CTSZ: variants seen among roughly 807,000 people sequenced by gnomAD.
The protein encoded by CTSZ is carboxypeptidase LB.
In CTSZ, 39 loss-of-function variants were observed where a neutral mutation model predicts 32.4. The ratio of observed to expected loss-of-function variants is 1.20; its 90% CI spans 0.93 to 1.57. The LOEUF is 1.57. Among genes scored for constraint, CTSZ ranks in the 40% most tolerant of loss-of-function variants. CTSZ has a pLI of 0.00. For synonymous variants in CTSZ, 168 were observed against 170.1 expected (o/e 0.99, Z 0.10); for missense variants, 397 against 419.6 (o/e 0.95, Z 0.47).
chr20:58,997,853 A>T lies in CTSZ; in HGVS notation c.488-100T>A, dbSNP rs138298206. On this transcript the variant is annotated intron_variant, in intron 3 of 5. Transcript: ENST00000217131. Reference sequence around the variant, plus strand: ...ACTCTCCACTCTCATCATGCAGCCTACCACTCAGCAGCTAAGAACGGAAAT... The same window carrying T: ...ACTCTCCACTCTCATCATGCAGCCTTCCACTCAGCAGCTAAGAACGGAAAT... 2.8e-6 allele frequency: 3 copies of T among 1,064,376 alleles called. No individual in the cohort carries two copies. The African/African-American group carries it at 4.8e-5, about 17-fold the overall frequency. 65.9% of individuals were successfully genotyped at this position (1,064,376 alleles called of 1,614,324 possible). A position where few individuals can be genotyped will look rare whatever the true frequency, so the allele number is the denominator to read the frequency against.
At chr20:58,997,366 T>C (rs1243464715) in intron 4 of CTSZ, 1 of 375,522 alleles carries the variant, frequency 2.7e-6, no homozygotes, top group Non-Finnish European at 4.8e-6. Flanking sequence ...ATCAGCTGAG[T>C]GTTAACTCTG....
chr20:59,006,169 C>G (rs2146366824), intron 2 of CTSZ, 153 bp downstream of exon 2: 1 of 1,020,426 alleles, frequency 9.8e-7, no homozygotes, highest in African/African-American at 1.6e-5. Context: ...CAGCAGAGGG[C>G]AAAGGCCCGC....
intron 2 of CTSZ, 49 bp downstream of exon 2, chr20:59,006,273 G>A: frequency 6.5e-7 from 1 of 1,533,076 alleles, no homozygotes; most frequent in South Asian, 1.2e-5. Context: ...CTATAAACAG[G>A]CAGCCGGGAT....
chr20:58,998,516 A>C (rs908971992), intron 3 of CTSZ, among the ~76,000 whole-genome samples: 1 of 149,498 alleles, frequency 6.7e-6, no homozygotes. Context: ...ATTGCACTCC[A>C]GCCTGAGCGA....
rs2091894258 is a variant in CTSZ at position 59,002,647 on chromosome 20, T to C, written c.308-1003A>G. ...CTCCCGGTCGCCCAGCCAGGGGCCT[T>C]CTGGAACTGTCCCTGCTCTGGTGAC... On this transcript the variant is annotated intron_variant, in intron 2 of 5. Coordinates refer to ENST00000217131, the MANE Select transcript of CTSZ (RefSeq NM_001336.4). The surrounding 1 kb of genome is among the most constrained non-coding windows in gnomAD (Gnocchi z 4.1). Among the ~76,000 whole-genome samples the C allele has an allele frequency of 6.6e-6, 1 of 152,038 alleles. No homozygotes were observed. Among genetic ancestry groups the C allele is most frequent in the South Asian group, 2.1e-4 (1 of 4,830 alleles).
rs2091911806 is a variant in CTSZ at position 59,007,051 on chromosome 20, G to A, written c.78C>T (p.Tyr26=). 1 of 1,469,892 alleles carries A rather than the reference G, an allele frequency of 6.8e-7. No individual in the cohort carries two copies. Among genetic ancestry groups the A allele is most frequent in the Admixed American group, 2.4e-5 (1 of 41,620 alleles). 91.1% of individuals were successfully genotyped at this position (1,469,892 alleles called of 1,614,324 possible). A position where few individuals can be genotyped will look rare whatever the true frequency, so the allele number is the denominator to read the frequency against. ...GGTAGCAGGTCTGTCCCCGGCGGAAGTAGAGGCCGCCCTGCGCCGCGCCCG... is the reference window on the plus strand; with the variant it reads ...GGTAGCAGGTCTGTCCCCGGCGGAAATAGAGGCCGCCCTGCGCCGCGCCCG... The part of the protein sequence containing the change: ...LLAGAAQGGL[Y]FRRGQTCYRP... The change falls in exon 1 of 6, where the codon TAC becomes TAT. Residue 26 remains tyrosine (Y), a synonymous_variant. Coordinates refer to ENST00000217131, the MANE Select transcript of CTSZ (RefSeq NM_001336.4).
rs748113542 is a variant in CTSZ, at chr20:59,002,892, A to C, written c.308-1248T>G. ...TCCCTTGTCAGCTATGCCCCCTCTA[A>C]GCAGATCTGCACACCCCAAACTTGC... On this transcript the variant is annotated intron_variant, in intron 2 of 5. Coordinates refer to ENST00000217131, the MANE Select transcript of CTSZ (RefSeq NM_001336.4). This position sits in a 1 kb window ranked among gnomAD's most constrained non-coding sequence, Gnocchi z 4.1. Among the ~76,000 whole-genome samples the C allele has an allele frequency of 6.6e-6, 1 of 151,756 alleles. No individual in the cohort carries two copies. The highest frequency in any genetic ancestry group is 1.5e-5 in the Non-Finnish European group (1 of 67,936).
chr20:58,999,605 C>T (rs2091879155), intron 3 of CTSZ, among the ~76,000 whole-genome samples: 1 of 152,218 alleles, frequency 6.6e-6, no homozygotes, highest in Admixed American at 6.5e-5. Flanking sequence ...AAGGGAGCCC[C>T]GTTGGCAGAG....
At chr20:59,001,378 G>C in intron 3 of CTSZ, 87 bp downstream of exon 3, 2 of 1,416,006 alleles carry the variant, frequency 1.4e-6, no homozygotes, top group South Asian at 2.7e-5. Flanking sequence ...AGGAGCACGG[G>C]GTCAGGCTGG....
intron 2 of CTSZ, among the ~76,000 whole-genome samples, chr20:59,003,509 C>T (rs1001267725): frequency 3.9e-5 from 6 of 152,230 alleles, no homozygotes; most frequent in African/African-American, 1.2e-4. Context: ...ACACATTTTC[C>T]ACTCATGGTG....
chr20:58,998,546 C>CAAA (rs148092871), intron 3 of CTSZ, among the ~76,000 whole-genome samples: 49,336 of 126,788 alleles, frequency 0.39, 10,310 homozygotes, highest in East Asian at 0.6. Flanking sequence ...GACTCCGTCT[C>CAAA]AAAAAAAAAG....
At chr20:58,999,582 T>C (rs989584182) in intron 3 of CTSZ, among the ~76,000 whole-genome samples, 1 of 152,172 alleles carries the variant, frequency 6.6e-6, no homozygotes, top group African/African-American at 2.4e-5. Flanking sequence ...CAATAAGGCC[T>C]GAGAGGCAAG....
intron 3 of CTSZ, among the ~76,000 whole-genome samples, chr20:58,999,904 C>G (rs235202): frequency 0.63 from 95,313 of 151,828 alleles, 30,250 homozygotes; most frequent in East Asian, 0.71. Context: ...CCCGCCTCTA[C>G]TAAAAATACA....
Position 59,007,056 on chromosome 20 carries a change from G to C in CTSZ, c.73C>G (p.Leu25Val). The C allele has an allele frequency of 6.8e-7, 1 of 1,468,838 alleles. No individual in the cohort carries two copies. The highest frequency in any genetic ancestry group is 9.0e-7 in the Non-Finnish European group (1 of 1,116,774). 91.0% of individuals were successfully genotyped at this position (1,468,838 alleles called of 1,614,324 possible). The stretch of plus-strand genomic sequence containing the variant: ...CAGGTCTGTCCCCGGCGGAAGTAGA[G>C]GCCGCCCTGCGCCGCGCCCGCCAGC... ...VLLAGAAQGG[L>V]YFRRGQTCYR... Residue 25 changes from leucine to valine, a missense_variant, in exon 1 of 6, where the codon CTC becomes GTC. Transcript: ENST00000217131.
At chr20:58,998,552 A>AAAAAAAG (rs368429073) in intron 3 of CTSZ, among the ~76,000 whole-genome samples, 7 of 145,282 alleles carry the variant, frequency 4.8e-5, no homozygotes, top group African/African-American at 1.6e-4. Context: ...GTCTCAAAAA[A>AAAAAAAG]AAAGAAAGAA....
chr20:59,005,769 C>G (rs753697015), intron 2 of CTSZ, among the ~76,000 whole-genome samples: 8 of 152,190 alleles, frequency 5.3e-5, no homozygotes, highest in Non-Finnish European at 7.3e-5. Context: ...TCTCCCAAAG[C>G]AGGGTGCAGC....
At chr20:59,000,354 G>A (rs1406852912) in intron 3 of CTSZ, among the ~76,000 whole-genome samples, 1 of 152,246 alleles carries the variant, frequency 6.6e-6, no homozygotes, top group African/African-American at 2.4e-5. Flanking sequence ...CTCCAGCCTG[G>A]GCAACAAGAG....
Position 58,995,527 on chromosome 20 carries a change from G to T in CTSZ, c.*122C>A. On this transcript the variant is annotated 3_prime_UTR_variant, in exon 6 of 6. Transcript: ENST00000217131. ...TCGCAGCCAGTGCCACGCTGTCCTC[G>T]CCATCCAATATTGATAGCCACCCCA... is the stretch of plus-strand genomic sequence containing the variant. 1 of 812,902 alleles carries T rather than the reference G, an allele frequency of 1.2e-6. No homozygotes were observed. Among genetic ancestry groups the T allele is most frequent in the Non-Finnish European group, 2.0e-6 (1 of 492,840 alleles). The allele number at this position is 812,902 out of a possible 1,614,324, so 50.4% of individuals were successfully genotyped here.
At chr20:58,999,559 A>ATTC (rs2307992) in intron 3 of CTSZ, among the ~76,000 whole-genome samples, 91,958 of 151,846 alleles carry the variant, frequency 0.61, 28,111 homozygotes, top group East Asian at 0.7. Flanking sequence ...GTCCAGGAGA[A>ATTC]TTTCTGGCTG....
Sources: gnomAD v4.1 joint callset for allele counts (sites outside exome capture counted in the v4.1 genomes callset) on GRCh38, gnomAD v4.1.1 for gene constraint, Gnocchi (gnomAD v3.1) non-coding constraint, MANE v1.5 for transcripts, NCBI Gene and HGNC (gene_info 2026-07-23, HGNC 2026-07-21) for gene names.